The following PPP1R1C variants were observed in gnomAD, a reference collection of about 807,000 sequenced individuals.
The protein encoded by PPP1R1C is protein phosphatase 1 regulatory inhibitor subunit 1C.
Under a neutral mutation model 17.4 loss-of-function variants are expected in PPP1R1C, and 15 were observed. The observed-to-expected ratio is 0.86, with a 90% CI of 0.58 to 1.33. The LOEUF is 1.33. Among genes scored for constraint, PPP1R1C ranks in the 40% most tolerant of loss-of-function variants. The pLI, the probability that PPP1R1C is intolerant of heterozygous loss-of-function variation, is 0.00. For synonymous variants in PPP1R1C, 35 were observed against 43.1 expected (o/e 0.81, Z 0.73); for missense variants, 143 against 130.0 (o/e 1.10, Z -0.48).
At chr2:182,060,902 A>G (rs1035956507) in intron 2 of PPP1R1C, among the ~76,000 whole-genome samples, 4 of 152,130 alleles carry the variant, frequency 2.6e-5, no homozygotes, top group South Asian at 4.1e-4. Context: ...CCCTTCATAC[A>G]CAGCACAATC....
intron 1 of PPP1R1C, among the ~76,000 whole-genome samples, chr2:181,973,232 C>T (rs888403817): frequency 2.6e-5 from 4 of 151,932 alleles, no homozygotes; most frequent in African/African-American, 9.7e-5. Context: ...ATGTTCTTAC[C>T]GAGACATTTG....
At chr2:182,007,522 A>C (rs1685956940) in intron 2 of PPP1R1C, among the ~76,000 whole-genome samples, 1 of 152,136 alleles carries the variant, frequency 6.6e-6, no homozygotes, top group South Asian at 2.1e-4. Context: ...TATGCTTTTG[A>C]GAATAACGCC....
intron 2 of PPP1R1C, among the ~76,000 whole-genome samples, chr2:181,977,663 C>T (rs920636679): frequency 3.3e-5 from 5 of 151,908 alleles, no homozygotes; most frequent in African/African-American, 1.2e-4. Flanking sequence ...GGCTCATGCC[C>T]GTAATCCCAG....
At chr2:182,037,314 G>T (rs1574400322) in intron 2 of PPP1R1C, among the ~76,000 whole-genome samples, 1 of 152,168 alleles carries the variant, frequency 6.6e-6, no homozygotes, top group African/African-American at 2.4e-5. Flanking sequence ...AGGAGAGCTT[G>T]TTATTTAGCC....
intron 4 of PPP1R1C, among the ~76,000 whole-genome samples, chr2:182,091,583 T>C (rs1194197612): frequency 1.3e-5 from 2 of 152,250 alleles, no homozygotes; most frequent in Non-Finnish European, 2.9e-5. Flanking sequence ...GATACTTGAG[T>C]TATGTTTTGT....
chr2:182,104,118 G>A (rs1278017856), intron 4 of PPP1R1C, among the ~76,000 whole-genome samples: 2 of 152,126 alleles, frequency 1.3e-5, no homozygotes, highest in Admixed American at 6.6e-5. Context: ...AAAATTTGAG[G>A]ATCAATTATA....
At chr2:181,983,875 T>C (rs932851970), upstream of PPP1R1C, among the ~76,000 whole-genome samples, 2 of 152,168 alleles carry the variant, frequency 1.3e-5, no homozygotes, top group Non-Finnish European at 2.9e-5. Context: ...AACTGAATCT[T>C]AATGGACACA....
intron 2 of PPP1R1C, chr2:182,031,058 A>G (rs182414952): frequency 0.019 from 2,848 of 153,554 alleles, 73 homozygotes; most frequent in African/African-American, 0.065. Context: ...GCAATGCCTC[A>G]CCCTGCTTCG....
intron 2 of PPP1R1C, among the ~76,000 whole-genome samples, chr2:181,989,728 T>G (rs1472008648): frequency 6.6e-6 from 1 of 152,228 alleles, no homozygotes; most frequent in Non-Finnish European, 1.5e-5. Flanking sequence ...TACTTCTCTT[T>G]GTTTTTTAAG....
intron 2 of PPP1R1C, among the ~76,000 whole-genome samples, chr2:182,056,987 G>A (rs952716507): frequency 6.6e-6 from 1 of 152,082 alleles, no homozygotes; most frequent in Non-Finnish European, 1.5e-5. Flanking sequence ...GCCTTAAAAA[G>A]TTTGCAAACT....
chr2:181,975,828 A>C (rs888973249), intron 2 of PPP1R1C, among the ~76,000 whole-genome samples: 3 of 152,108 alleles, frequency 2.0e-5, no homozygotes, highest in African/African-American at 7.2e-5. Flanking sequence ...GTTCTTTTGC[A>C]TTAAGTAAGG....
intron 2 of PPP1R1C, among the ~76,000 whole-genome samples, chr2:182,011,277 T>C (rs1359945558): frequency 6.6e-6 from 1 of 152,086 alleles, no homozygotes; most frequent in African/African-American, 2.4e-5. Flanking sequence ...GACTTTATAA[T>C]GGCTTCAATC....
intron 2 of PPP1R1C, among the ~76,000 whole-genome samples, chr2:182,052,906 G>GAA (rs35486712): frequency 1.0e-3 from 151 of 150,958 alleles, no homozygotes; most frequent in African/African-American, 3.4e-3. Flanking sequence ...AGTGAGCCAA[G>GAA]AAAAAAAAAT....
At chr2:182,107,031 C>T (rs562504840) in intron 4 of PPP1R1C, among the ~76,000 whole-genome samples, 2 of 152,288 alleles carry the variant, frequency 1.3e-5, no homozygotes, top group African/African-American at 4.8e-5. Context: ...ACTGTTAAGA[C>T]ACTATTTTCA....
intron 5 of PPP1R1C, among the ~76,000 whole-genome samples, chr2:182,124,320 T>G (rs1185957930): frequency 1.6e-5 from 2 of 124,638 alleles, no homozygotes; most frequent in Non-Finnish European, 3.3e-5. Flanking sequence ...TTTTGTTTTT[T>G]TTTTTTGTTT....
chr2:182,042,606 G>C (rs1175588613), intron 2 of PPP1R1C, among the ~76,000 whole-genome samples: 1 of 152,202 alleles, frequency 6.6e-6, no homozygotes, highest in Admixed American at 6.5e-5. Context: ...TCTAGGGTCA[G>C]AGAATGCCCT....
intron 4 of PPP1R1C, chr2:182,103,772 G>A (rs1339770393): frequency 6.6e-6 from 1 of 152,222 alleles, no homozygotes; most frequent in Non-Finnish European, 1.5e-5. Context: ...ACTTCCTGGC[G>A]GCCAGCAAGC....
rs535197331 is a variant in PPP1R1C at position 181,994,790 on chromosome 2, G to A, written c.142+6891G>A. Among the ~76,000 whole-genome samples, 41 of 152,254 alleles carry A rather than the reference G, an allele frequency of 2.7e-4. 1 individual carries two copies. The highest frequency in any genetic ancestry group is 6.8e-3 in the Middle Eastern group (2 of 294). On this transcript the variant is annotated intron_variant, in intron 2 of 4. Transcript: ENST00000682840. ...GATACAATTGTAATAACAGAAATCC[G>A]TGTTGCTGAAACCACAGTAAAGCTA...
chr2:181,964,554 A>G (rs181210301), intron 1 of PPP1R1C, among the ~76,000 whole-genome samples: 1 of 152,298 alleles, frequency 6.6e-6, no homozygotes, highest in African/African-American at 2.4e-5. Flanking sequence ...ACTATTCTCC[A>G]TAGTGGCTAT....
Sources: gnomAD v4.1 joint callset for allele counts (sites outside exome capture counted in the v4.1 genomes callset) on GRCh38, gnomAD v4.1.1 for gene constraint, MANE v1.5 for transcripts, NCBI Gene and HGNC (gene_info 2026-07-23, HGNC 2026-07-21) for gene names.